The following LRRC7 variants were observed in gnomAD, a reference collection of about 807,000 sequenced individuals.
LRRC7 encodes the protein leucine-rich repeat-containing protein 7.
LRRC7 carries 23 observed loss-of-function variants against 175.7 expected under a neutral mutation model. That is an observed-to-expected ratio of 0.13 (90% CI 0.09 to 0.19). The LOEUF is 0.19. LRRC7 is among the 10% of genes least tolerant of loss of function. The pLI is 1.00. For missense variants in LRRC7, 1,354 were observed against 1,904.7 expected (o/e 0.71, Z 5.38); for synonymous variants, 685 against 680.9 (o/e 1.01, Z -0.09).
chr1:70,006,735 T>C (rs888813186), intron 11 of LRRC7, among the ~76,000 whole-genome samples: 3 of 152,122 alleles, frequency 2.0e-5, no homozygotes, highest in African/African-American at 7.2e-5. Flanking sequence ...CAATCACAAG[T>C]CCAGGCCTCC....
chr1:70,047,751 T>C (rs1660442846), intron 22 of LRRC7, among the ~76,000 whole-genome samples: 1 of 151,934 alleles, frequency 6.6e-6, no homozygotes, highest in Non-Finnish European at 1.5e-5. Flanking sequence ...AAAGAGTAAA[T>C]TACATCTTCT....
In LRRC7 at chr1:70,140,193, G is replaced by A. The variant is rs966841885; in HGVS notation, c.*18306G>A. The A allele has an allele frequency of 1.3e-5, 2 of 152,130 alleles. No individual in the cohort carries two copies. The highest frequency in any genetic ancestry group is 4.8e-5 in the African/African-American group (2 of 41,440). 9.4% of individuals were successfully genotyped at this position (152,130 alleles called of 1,614,324 possible). A position where few individuals can be genotyped will look rare whatever the true frequency, so the allele number is the denominator to read the frequency against. Reference sequence around the variant, plus strand: ...GCTGCTTTTATCAAGCTAAGCATGGGCATGCCTTTCCAAAGGGTATATTTG... The same window carrying A: ...GCTGCTTTTATCAAGCTAAGCATGGACATGCCTTTCCAAAGGGTATATTTG... On this transcript the variant is annotated 3_prime_UTR_variant, in exon 27 of 27. Transcript: ENST00000651989.
At chr1:70,075,307 T>C (rs1232004422) in intron 23 of LRRC7, among the ~76,000 whole-genome samples, 3 of 152,138 alleles carry the variant, frequency 2.0e-5, no homozygotes, top group Admixed American at 1.3e-4. Flanking sequence ...GGTGCTAAAA[T>C]GAAGGTGAGA....
intron 3 of LRRC7, 139 bp downstream of exon 3, chr1:69,760,532 A>C: frequency 1.4e-6 from 1 of 695,844 alleles, no homozygotes; most frequent in Non-Finnish European, 2.4e-6. Context: ...ACTTCCCCCA[A>C]TATTCTCATT....
chr1:69,692,046 G>A (rs183248421), intron 2 of LRRC7, among the ~76,000 whole-genome samples: 2 of 152,120 alleles, frequency 1.3e-5, no homozygotes, highest in African/African-American at 4.8e-5. Flanking sequence ...TGGGATTTTT[G>A]GCAACTATGG....
intron 2 of LRRC7, among the ~76,000 whole-genome samples, chr1:69,739,142 A>G (rs1668436986): frequency 6.6e-6 from 1 of 152,106 alleles, no homozygotes; most frequent in African/African-American, 2.4e-5. Context: ...GATTAGGTTG[A>G]GCTTATGCAT....
chr1:69,672,637 C>A (rs1659238014), intron 1 of LRRC7, among the ~76,000 whole-genome samples: 1 of 152,152 alleles, frequency 6.6e-6, no homozygotes, highest in African/African-American at 2.4e-5. Flanking sequence ...ATTATCCCAA[C>A]TCCCTTTTCC....
At chr1:69,678,652 A>G (rs904311675) in intron 2 of LRRC7, among the ~76,000 whole-genome samples, 174 bp downstream of exon 2, 3 of 152,150 alleles carry the variant, frequency 2.0e-5, no homozygotes, top group Non-Finnish European at 4.4e-5. Flanking sequence ...CTTACTTAGA[A>G]CATTGCTTTC....
intron 13 of LRRC7, among the ~76,000 whole-genome samples, chr1:70,014,872 T>C (rs1656830840): frequency 6.6e-6 from 1 of 151,896 alleles, no homozygotes; most frequent in South Asian, 2.1e-4. Flanking sequence ...AAATCAAGGG[T>C]ATCTTGCCCT....
chr1:69,927,398 A>G (rs377619151), intron 7 of LRRC7, among the ~76,000 whole-genome samples: 1 of 152,124 alleles, frequency 6.6e-6, no homozygotes, highest in Admixed American at 6.5e-5. Context: ...TATCCTGCAG[A>G]GTGTTTTCCA....
chr1:69,801,385 A>G (rs1676466501), intron 4 of LRRC7, among the ~76,000 whole-genome samples: 1 of 151,614 alleles, frequency 6.6e-6, no homozygotes, highest in Non-Finnish European at 1.5e-5. Context: ...TACTGATTCT[A>G]TCTCACCACT....
intron 8 of LRRC7, among the ~76,000 whole-genome samples, chr1:69,960,510 C>A (rs897761683): frequency 2.6e-5 from 4 of 151,580 alleles, no homozygotes; most frequent in Non-Finnish European, 5.9e-5. Flanking sequence ...TTCGTTATTT[C>A]TTCTGCTAGC....
chr1:69,755,088 G>C (rs1433719371), intron 2 of LRRC7, among the ~76,000 whole-genome samples: 1 of 151,864 alleles, frequency 6.6e-6, no homozygotes, highest in African/African-American at 2.4e-5. Context: ...GGACGCCAAA[G>C]GAAGAGTGTT....
chr1:69,880,707 T>C (rs1686511216), intron 7 of LRRC7, among the ~76,000 whole-genome samples: 1 of 152,192 alleles, frequency 6.6e-6, no homozygotes, highest in Non-Finnish European at 1.5e-5. Context: ...GAGACATTTT[T>C]GGAAGTGAAA....
At chr1:69,837,997 A>ACAGACAT (rs1031953461) in intron 6 of LRRC7, among the ~76,000 whole-genome samples, 4 of 151,866 alleles carry the variant, frequency 2.6e-5, no homozygotes, top group African/African-American at 9.6e-5. Flanking sequence ...ATATTTTAGT[A>ACAGACAT]CAGACATACA....
At chr1:70,077,390 A>C (rs1662863802) in intron 24 of LRRC7, among the ~76,000 whole-genome samples, 1 of 152,172 alleles carries the variant, frequency 6.6e-6, no homozygotes, top group Admixed American at 6.5e-5. Context: ...GCCTTTAATC[A>C]GATAATGATA....
At chr1:69,945,476 G>T (rs1649208295) in intron 8 of LRRC7, among the ~76,000 whole-genome samples, 1 of 152,064 alleles carries the variant, frequency 6.6e-6, no homozygotes, top group South Asian at 2.1e-4. Flanking sequence ...AGATTGCTTT[G>T]TCTATTTGTG....
chr1:70,016,143 G>A (rs1261089878), intron 13 of LRRC7, among the ~76,000 whole-genome samples: 15 of 152,084 alleles, frequency 9.9e-5, no homozygotes, highest in Non-Finnish European at 8.8e-5. Context: ...AAAAGAGCAG[G>A]CCGATAGAGC....
intron 7 of LRRC7, among the ~76,000 whole-genome samples, chr1:69,863,850 A>C (rs188926832): frequency 1.3e-5 from 2 of 152,244 alleles, no homozygotes; most frequent in African/African-American, 4.8e-5. Flanking sequence ...TTCCACCTTA[A>C]AAACCATAAT....
Sources: gnomAD v4.1 joint callset for allele counts (sites outside exome capture counted in the v4.1 genomes callset) on GRCh38, gnomAD v4.1.1 for gene constraint, MANE v1.5 for transcripts, NCBI Gene and HGNC (gene_info 2026-07-23, HGNC 2026-07-21) for gene names.